SYT12: variants seen among roughly 807,000 people sequenced by gnomAD.
SYT12 encodes the protein synaptotagmin-12.
SYT12 carries 27 observed loss-of-function variants against 39.5 expected under a neutral mutation model. The observed-to-expected ratio is 0.68, with a 90% CI of 0.50 to 0.94. SYT12 has a LOEUF of 0.94. Ranked by LOEUF, SYT12 falls within the 40% of genes least tolerant of loss-of-function variation. SYT12 has a pLI of 0.00. For missense variants in SYT12, 536 were observed against 572.6 expected (o/e 0.94, Z 0.65); for synonymous variants, 233 against 239.7 (o/e 0.97, Z 0.26).
In SYT12 at chr11:67,048,567, T is replaced by C; in HGVS notation, c.1093-17T>C. On this transcript the variant is annotated splice_polypyrimidine_tract_variant and intron_variant, in intron 7 of 7. Coordinates refer to ENST00000527043, the MANE Select transcript of SYT12 (RefSeq NM_177963.4). The stretch of plus-strand genomic sequence containing the variant: ...GACTGCCCCTGGTCCTCAGCACCCA[T>C]GTTGCCTCTTCCTCAGGACCTGTCT... 2 of 1,588,050 alleles carry C rather than the reference T, an allele frequency of 1.3e-6. No homozygotes were observed. The highest frequency in any genetic ancestry group is 1.7e-6 in the Non-Finnish European group (2 of 1,158,936).
intron 3 of SYT12, among the ~76,000 whole-genome samples, chr11:67,037,897 GAA>G (rs1202597278): frequency 7.4e-6 from 1 of 135,938 alleles, no homozygotes; most frequent in Non-Finnish European, 1.6e-5. Context: ...AAAAAAAAAA[GAA>G]AAAAAAAAAG....
intron 4 of SYT12, among the ~76,000 whole-genome samples, chr11:67,040,554 C>T (rs1374987176): frequency 6.6e-6 from 1 of 152,138 alleles, no homozygotes; most frequent in Non-Finnish European, 1.5e-5. Context: ...AATAACAGGA[C>T]TGGGGCTGGT....
At chr11:67,039,111 C>T (rs1480090664) in intron 3 of SYT12, among the ~76,000 whole-genome samples, 1 of 150,726 alleles carries the variant, frequency 6.6e-6, no homozygotes, top group African/African-American at 2.4e-5. Flanking sequence ...CCAGACCAGC[C>T]TGGCCAACAT....
At chr11:67,034,916 C>A in intron 3 of SYT12, 78 bp downstream of exon 3, 1 of 1,190,236 alleles carries the variant, frequency 8.4e-7, no homozygotes, top group Non-Finnish European at 1.1e-6. Context: ...GTCTTCAGCC[C>A]CTCTCCCTCC....
chr11:67,038,500 C>G (rs1950431624), intron 3 of SYT12, among the ~76,000 whole-genome samples: 1 of 151,994 alleles, frequency 6.6e-6, no homozygotes, highest in Non-Finnish European at 1.5e-5. Flanking sequence ...TGAGTGTCAC[C>G]CAACATGAAA....
rs34884260 is a variant in SYT12, at chr11:67,038,145, CTATT to C, written c.229-1632_229-1629del. ...CAAGGTCAATTTAGGGAAAATAAAA[CTATT>C]TATTTATTTATTTATTTATTTATTT... On this transcript the variant is annotated intron_variant, in intron 3 of 7. Coordinates refer to ENST00000527043, the MANE Select transcript of SYT12 (RefSeq NM_177963.4). Among the ~76,000 whole-genome samples the C allele has an allele frequency of 2.9e-3, 436 of 147,920 alleles. 2 individuals are homozygous for C. The highest frequency in any genetic ancestry group is 5.0e-3 in the African/African-American group (199 of 39,786).
chr11:67,029,543 CA>C (rs907354437), intron 1 of SYT12: 4 of 152,212 alleles, frequency 2.6e-5, no homozygotes, highest in Non-Finnish European at 5.9e-5. Flanking sequence ...ATATTTGGGA[CA>C]CACATATTAA....
chr11:67,033,548 C>T (rs1271010742), intron 2 of SYT12, among the ~76,000 whole-genome samples: 2 of 152,160 alleles, frequency 1.3e-5, no homozygotes, highest in African/African-American at 2.4e-5. Context: ...GGGTCGAGGC[C>T]GGGTGGGGCA....
intron 4 of SYT12, among the ~76,000 whole-genome samples, chr11:67,042,503 A>T (rs2136228641): frequency 6.6e-6 from 1 of 152,316 alleles, no homozygotes; most frequent in Middle Eastern, 3.4e-3. Context: ...GAGGAAACCG[A>T]GGCTCGGGAA....
intron 1 of SYT12, among the ~76,000 whole-genome samples, chr11:67,008,678 G>A (rs1949989919): frequency 6.6e-6 from 1 of 152,106 alleles, no homozygotes; most frequent in Non-Finnish European, 1.5e-5. Flanking sequence ...AGCCTCCTGA[G>A]TAGCTGGAAT....
intron 1 of SYT12, among the ~76,000 whole-genome samples, chr11:67,008,486 T>C (rs1451395048): frequency 6.6e-6 from 1 of 152,154 alleles, no homozygotes; most frequent in Non-Finnish European, 1.5e-5. Flanking sequence ...CCTCTGGTGC[T>C]CAAGTGATCC....
intron 1 of SYT12, among the ~76,000 whole-genome samples, chr11:67,025,616 G>A (rs564341948): frequency 1.2e-4 from 18 of 152,198 alleles, no homozygotes; most frequent in Admixed American, 2.0e-4. Context: ...GGCTGCCAGC[G>A]GGAGCCCACT....
At chr11:67,018,907 C>A (rs1308008466), upstream of SYT12, among the ~76,000 whole-genome samples, 1 of 152,076 alleles carries the variant, frequency 6.6e-6, no homozygotes, top group African/African-American at 2.4e-5. Context: ...GTGGCTGGTG[C>A]CTCATGAGCT....
intron 7 of SYT12, among the ~76,000 whole-genome samples, chr11:67,047,685 G>A (rs889075592): frequency 6.9e-6 from 1 of 145,568 alleles, no homozygotes; most frequent in Non-Finnish European, 1.5e-5. Context: ...GCTCATGCCT[G>A]TAATCCCAGC....
At chr11:67,036,197 A>G (rs943657106) in intron 3 of SYT12, among the ~76,000 whole-genome samples, 4 of 152,076 alleles carry the variant, frequency 2.6e-5, no homozygotes, top group Admixed American at 2.0e-4. Flanking sequence ...GATTACAGGC[A>G]TGCACTACCG....
chr11:67,046,256 G>C (rs1383360344), intron 7 of SYT12, among the ~76,000 whole-genome samples: 1 of 152,150 alleles, frequency 6.6e-6, no homozygotes, highest in Non-Finnish European at 1.5e-5. Flanking sequence ...AATCTCCCAA[G>C]CTCCATTTCA....
intron 6 of SYT12, among the ~76,000 whole-genome samples, chr11:67,045,138 G>T (rs777182451): frequency 6.6e-5 from 10 of 152,158 alleles, no homozygotes; most frequent in Non-Finnish European, 1.3e-4. Flanking sequence ...GTTGGGGTGG[G>T]TGCCAGGCAG....
Position 67,048,946 on chromosome 11 carries a change from C to T in SYT12, c.*189C>T. The T allele has an allele frequency of 3.1e-6, 2 of 639,118 alleles. No individual in the cohort carries two copies. Among genetic ancestry groups the T allele is most frequent in the Non-Finnish European group, 5.1e-6 (2 of 389,548 alleles). 39.6% of individuals were successfully genotyped at this position (639,118 alleles called of 1,614,324 possible). On this transcript the variant is annotated 3_prime_UTR_variant, in exon 8 of 8. Transcript: ENST00000527043. The stretch of plus-strand genomic sequence containing the variant: ...AGTGGGCGTGGCTCTGTGTCCAGGG[C>T]CCCAGGGTCTGCTCCTGCTGAGGAC...
At chr11:67,018,078 A>G (rs985232166) in intron 3 of SYT12, among the ~76,000 whole-genome samples, 7 of 151,904 alleles carry the variant, frequency 4.6e-5, no homozygotes, top group Non-Finnish European at 8.8e-5. Context: ...CCTGGCCAAC[A>G]TGGTGAAACC....
Sources: allele counts gnomAD v4.1 joint callset (sites outside exome capture counted in the v4.1 genomes callset), GRCh38; gene constraint gnomAD v4.1.1; transcripts MANE v1.5; gene names NCBI Gene and HGNC (gene_info 2026-07-23, HGNC 2026-07-21).